The following WDR75 variants were observed in gnomAD, a reference collection of about 807,000 sequenced individuals.
WDR75 encodes the protein WD repeat-containing protein 75.
In WDR75, 52 loss-of-function variants were observed where a neutral mutation model predicts 106.1. The observed-to-expected ratio is 0.49, with a 90% CI of 0.39 to 0.62. WDR75 has a LOEUF of 0.62. Among genes scored for constraint, WDR75 ranks in the 20% least tolerant of loss-of-function variants. WDR75 has a pLI of 0.00. For synonymous variants in WDR75, 333 were observed against 335.5 expected, an observed-to-expected ratio of 0.99 and a Z score of 0.08; for missense variants, 905 against 970.3, an observed-to-expected ratio of 0.93 and a Z score of 0.89.
At chr2:189,446,487 C>T (rs942077405) in intron 1 of WDR75, among the ~76,000 whole-genome samples, 4 of 152,154 alleles carry the variant, frequency 2.6e-5, no homozygotes, top group African/African-American at 9.7e-5. Flanking sequence ...TGATCTTATA[C>T]CATTTCATAC....
At chr2:189,450,056 C>G (rs1434806201) in intron 2 of WDR75, 5 of 981,492 alleles carry the variant, frequency 5.1e-6, no homozygotes, top group Non-Finnish European at 6.0e-6. Context: ...GTATGGTCCA[C>G]AGACCAGTGT....
chr2:189,471,124 A>C (rs1687111189), intron 18 of WDR75, among the ~76,000 whole-genome samples: 1 of 152,142 alleles, frequency 6.6e-6, no homozygotes, highest in African/African-American at 2.4e-5. Flanking sequence ...TCTTCAGAAA[A>C]AACTTCTCCA....
Position 189,462,582 on chromosome 2 carries a change from A to C in WDR75, c.877A>C (p.Ile293Leu). 1 of 1,614,074 alleles carries C rather than the reference A, an allele frequency of 6.2e-7. No individual in the cohort carries two copies. The change falls in exon 9 of 21, where the codon ATT becomes CTT. Residue 293 changes from isoleucine (I) to leucine (L), a missense_variant. Coordinates refer to ENST00000314761, the MANE Select transcript of WDR75 (RefSeq NM_032168.3). ...KEFLPRLGATIEHISVSPAGD... is the reference protein window; with the variant it reads ...KEFLPRLGATLEHISVSPAGD... ...GTTTCTCCCGCGTTTAGGAGCTACT[A>C]TTGAACATATCTCAGTCTCGCCTGC...
chr2:189,471,983 A>G (rs1687127638), intron 18 of WDR75, among the ~76,000 whole-genome samples: 1 of 152,158 alleles, frequency 6.6e-6, no homozygotes, highest in Non-Finnish European at 1.5e-5. Context: ...TAGAAGACCA[A>G]TACCATTCTT....
At chr2:189,457,924 CTTTTTT>C (rs11395971) in intron 6 of WDR75, among the ~76,000 whole-genome samples, 1 of 116,364 alleles carries the variant, frequency 8.6e-6, no homozygotes, top group Non-Finnish European at 1.7e-5. Context: ...GCCAAGATTG[CTTTTTT>C]TTTTTTTTTT....
chr2:189,463,964 A>G lies in WDR75; in HGVS notation c.1113+3A>G, dbSNP rs749068914. 1 of 1,609,978 alleles carries G rather than the reference A, an allele frequency of 6.2e-7. No individual in the cohort carries two copies. The highest frequency in any genetic ancestry group is 8.5e-7 in the Non-Finnish European group (1 of 1,178,116). On this transcript the variant is annotated splice_donor_region_variant and intron_variant, in intron 11 of 20. Transcript: ENST00000314761. ...AGAGTGATAAACAGTTATACAATGT[A>G]AGATTTTGATCATTAGCCTTGAAAT...
In WDR75 at chr2:189,465,257, A is replaced by G; in HGVS notation, c.1289+3A>G. 1 of 1,602,902 alleles carries G rather than the reference A, an allele frequency of 6.2e-7. No homozygotes were observed. The highest frequency in any genetic ancestry group is 8.5e-7 in the Non-Finnish European group (1 of 1,174,150). Reference sequence around the variant, plus strand: ...ATGTATAATAAGAAAACACAAGGGTAATACTATCTGTGTAGCCACTTAATT... The same window carrying G: ...ATGTATAATAAGAAAACACAAGGGTGATACTATCTGTGTAGCCACTTAATT... On this transcript the variant is annotated splice_donor_region_variant and intron_variant, in intron 12 of 20. Transcript: ENST00000314761.
At position 189,449,448 on chromosome 2, in the gene WDR75, G is replaced by T. The variant is rs1490633560; in HGVS notation, c.216+940G>T. 2.5e-6 allele frequency: 3 copies of T among 1,192,454 alleles called. No homozygotes were observed. In the Admixed American group the frequency reaches 1.0e-4, roughly 41 times the overall value. 73.9% of individuals were successfully genotyped at this position (1,192,454 alleles called of 1,614,324 possible). A position where few individuals can be genotyped will look rare whatever the true frequency, so the allele number is the denominator to read the frequency against. On this transcript the variant is annotated intron_variant, in intron 2 of 20. Transcript: ENST00000314761. ...TCTGAGGGTTTGACAAAAGTTTATC[G>T]CTGTGTGTAGTGTTTGAATGTTTTT...
chr2:189,470,728 T>C, intron 17 of WDR75, 91 bp from the exon 18 acceptor site: 1 of 860,726 alleles, frequency 1.2e-6, no homozygotes, highest in South Asian at 2.9e-5. Context: ...AGTGAAAAAT[T>C]TGACCTTCTC....
rs780784321 is a variant in WDR75, at chr2:189,448,484, G to T, written c.192G>T (p.Gln64His). Reference sequence around the variant, plus strand: ...ACAGAAATCTGGTGACTGGAATCCAGCTTAACCCCAACAACCATCTACAGG... The same window carrying T: ...ACAGAAATCTGGTGACTGGAATCCATCTTAACCCCAACAACCATCTACAGG... ...HGHRNLVTGIQLNPNNHLQLY... is the reference protein window; with the variant it reads ...HGHRNLVTGIHLNPNNHLQLY... Residue 64 changes from glutamine (Q) to histidine (H), a missense_variant, in exon 2 of 21, where the codon CAG becomes CAT. By Grantham distance (24) the Gln-to-His change is conservative. Transcript: ENST00000314761. 2 of 1,613,970 alleles carry T rather than the reference G, an allele frequency of 1.2e-6. No homozygotes were observed. The highest frequency in any genetic ancestry group is 2.2e-5 in the South Asian group (2 of 91,080).
At chr2:189,460,229 T>C (rs1320717740) in intron 8 of WDR75, among the ~76,000 whole-genome samples, 1 of 152,146 alleles carries the variant, frequency 6.6e-6, no homozygotes, top group Admixed American at 6.5e-5. Context: ...GGAAAAGTGA[T>C]TTTTCTTTCT....
rs1461722151 is a variant in WDR75, at chr2:189,468,524, A to G, written c.1678A>G (p.Thr560Ala). ...GTGTTCAAAGTATCTACTTGGTGCT[A>G]CTGAAAATGGCATTCTTTGCTGTTG... ...LTCSKYLLGA[T>A]ENGILCCWNL... The change falls in exon 15 of 21, where the codon ACT becomes GCT. Residue 560 changes from threonine to alanine, a missense_variant. By Grantham distance (58) the Thr-to-Ala change is moderately conservative. Coordinates refer to ENST00000314761, the MANE Select transcript of WDR75 (RefSeq NM_032168.3). 12 of 1,613,414 alleles carry G rather than the reference A, an allele frequency of 7.4e-6. No individual in the cohort carries two copies. The highest frequency in any genetic ancestry group is 1.7e-5 in the Admixed American group (1 of 59,996).
At chr2:189,459,793 C>T (rs150413819) in intron 8 of WDR75, among the ~76,000 whole-genome samples, 83 of 152,130 alleles carry the variant, frequency 5.5e-4, no homozygotes, top group African/African-American at 1.8e-3. Context: ...AATCATTGGC[C>T]GTAGGAAATG....
At position 189,451,064 on chromosome 2, in the gene WDR75, A is replaced by G. The variant is rs1018376415; in HGVS notation, c.282+96A>G. On this transcript the variant is annotated intron_variant, in intron 3 of 20. Coordinates refer to ENST00000314761, the MANE Select transcript of WDR75 (RefSeq NM_032168.3). Reference sequence around the variant, plus strand: ...TGTTTCTATAAGGCCAAATATTTAAATAGACTTCCTAAACAAGTTACAAAA... The same window carrying G: ...TGTTTCTATAAGGCCAAATATTTAAGTAGACTTCCTAAACAAGTTACAAAA... The G allele has an allele frequency of 3.6e-6, 5 of 1,384,182 alleles. No individual in the cohort carries two copies. In the African/African-American group the frequency reaches 4.5e-5, roughly 12 times the overall value. The allele number at this position is 1,384,182 out of a possible 1,614,324, so 85.7% of individuals were successfully genotyped here. A position where few individuals can be genotyped will look rare whatever the true frequency, so the allele number is the denominator to read the frequency against.
chr2:189,470,057 C>A lies in WDR75; in HGVS notation c.1820-19C>A. ...CTTTTCAGGCAAAATGTTATTGTTTCTTTGTTTTTTCCCTCTAGTGTTTGT... is the reference window on the plus strand; with the variant it reads ...CTTTTCAGGCAAAATGTTATTGTTTATTTGTTTTTTCCCTCTAGTGTTTGT... On this transcript the variant is annotated intron_variant, in intron 16 of 20. Coordinates refer to ENST00000314761, the MANE Select transcript of WDR75 (RefSeq NM_032168.3). 6.2e-7 allele frequency: 1 copy of A among 1,605,254 alleles called. No individual in the cohort carries two copies.
intron 1 of WDR75, among the ~76,000 whole-genome samples, chr2:189,443,130 A>G (rs1475389948): frequency 6.6e-6 from 1 of 152,242 alleles, no homozygotes; most frequent in Non-Finnish European, 1.5e-5. Context: ...CTTACAGTCT[A>G]GTGAGGAAAA....
At chr2:189,454,543 A>G (rs1686693801) in intron 4 of WDR75, among the ~76,000 whole-genome samples, 1 of 151,628 alleles carries the variant, frequency 6.6e-6, no homozygotes. Flanking sequence ...TTTTTTTGAA[A>G]CAGAGTCTTG....
At chr2:189,466,826 A>C (rs557207374) in intron 13 of WDR75, among the ~76,000 whole-genome samples, 4 of 152,190 alleles carry the variant, frequency 2.6e-5, no homozygotes, top group Non-Finnish European at 5.9e-5. Flanking sequence ...GGTAAAGTAA[A>C]AGGGGCTTTT....
At chr2:189,466,743 C>G (rs760188501) in intron 13 of WDR75, among the ~76,000 whole-genome samples, 161 bp downstream of exon 13, 2 of 152,050 alleles carry the variant, frequency 1.3e-5, no homozygotes, top group South Asian at 2.1e-4. Flanking sequence ...ATTTTACATG[C>G]CTTTTTCCTC....
Sources: gnomAD v4.1 joint callset for allele counts (sites outside exome capture counted in the v4.1 genomes callset) on GRCh38, gnomAD v4.1.1 for gene constraint, MANE v1.5 for transcripts, NCBI Gene and HGNC (gene_info 2026-07-23, HGNC 2026-07-21) for gene names.